The following TBXAS1 variants were observed in gnomAD, a reference collection of about 807,000 sequenced individuals.
TBXAS1 encodes the protein thromboxane A synthase 1.
Under a neutral mutation model 60.7 loss-of-function variants are expected in TBXAS1, and 48 were observed. That is an observed-to-expected ratio of 0.79 (90% CI 0.63 to 1.01). The LOEUF (loss-of-function observed/expected upper bound fraction) is 1.01. Ranked by LOEUF, TBXAS1 falls within the 50% of genes least tolerant of loss-of-function variation. The pLI is 0.00. For missense variants in TBXAS1, 685 were observed against 686.3 expected (o/e 1.00, Z 0.02); for synonymous variants, 287 against 269.7 (o/e 1.06, Z -0.63).
intron 9 of TBXAS1, among the ~76,000 whole-genome samples, chr7:140,003,325 T>TC (rs796155313): frequency 5.3e-5 from 8 of 152,040 alleles, no homozygotes; most frequent in African/African-American, 1.9e-4. Context: ...TGCCTCAGCC[T>TC]CCAGGGTGGC....
chr7:139,886,766 ACTT>A (rs1044720062), intron 3 of TBXAS1, among the ~76,000 whole-genome samples: 2 of 152,058 alleles, frequency 1.3e-5, no homozygotes, highest in African/African-American at 2.4e-5. Flanking sequence ...CTTCAAGTTC[ACTT>A]CTTCATCTCA....
At chr7:139,955,775 C>A (rs1809823492) in intron 7 of TBXAS1, among the ~76,000 whole-genome samples, 168 bp downstream of exon 7, 1 of 152,176 alleles carries the variant, frequency 6.6e-6, no homozygotes, top group Admixed American at 6.5e-5. Flanking sequence ...CCTCTTGTCA[C>A]CCGCCTAGGG....
chr7:139,873,062 T>C (rs1474534559), intron 2 of TBXAS1, among the ~76,000 whole-genome samples: 1 of 152,038 alleles, frequency 6.6e-6, no homozygotes, highest in Non-Finnish European at 1.5e-5. Flanking sequence ...GAGGAGAGGG[T>C]GATCTGTCAG....
At chr7:139,805,933 CT>C (rs35769530) in intron 4 of TBXAS1, among the ~76,000 whole-genome samples, 5,058 of 104,664 alleles carry the variant, frequency 0.048, 268 homozygotes, top group African/African-American at 0.21. Context: ...CAAATTTTTG[CT>C]TTTTTTTTTT....
intron 1 of TBXAS1, among the ~76,000 whole-genome samples, chr7:139,864,732 T>A (rs1248734107): frequency 6.6e-6 from 1 of 152,114 alleles, no homozygotes; most frequent in Non-Finnish European, 1.5e-5. Flanking sequence ...ATGATAGAAG[T>A]GACATTATGA....
Position 139,953,297 on chromosome 7 carries a change from C to T in TBXAS1, c.451-71C>T, listed in dbSNP as rs564400151. Reference sequence around the variant, plus strand: ...TCCCAGAAAGCACTACATATAACCTCTTCATCTGCAGCCAATTTAGGTGTA... The same window carrying T: ...TCCCAGAAAGCACTACATATAACCTTTTCATCTGCAGCCAATTTAGGTGTA... On this transcript the variant is annotated intron_variant, in intron 5 of 12. Coordinates refer to ENST00000448866, the MANE Select transcript of TBXAS1 (RefSeq NM_001061.7). 7.0e-6 allele frequency: 9 copies of T among 1,294,212 alleles called. No homozygotes were observed. The African/African-American group carries it at 1.2e-4, about 17-fold the overall frequency. 80.2% of individuals were successfully genotyped at this position (1,294,212 alleles called of 1,614,324 possible).
At chr7:139,984,658 AGGGG>A (rs1187423322) in intron 9 of TBXAS1, among the ~76,000 whole-genome samples, 6 of 71,550 alleles carry the variant, frequency 8.4e-5, no homozygotes, top group Non-Finnish European at 1.9e-4. Context: ...AAGAAAGGGA[AGGGG>A]GAAAGAAAGA....
At chr7:140,011,208 C>T (rs977170429) in intron 10 of TBXAS1, among the ~76,000 whole-genome samples, 1 of 151,504 alleles carries the variant, frequency 6.6e-6, no homozygotes, top group East Asian at 1.9e-4. Flanking sequence ...ATCTGGGAGG[C>T]GGAGGTTGCA....
intron 9 of TBXAS1, among the ~76,000 whole-genome samples, chr7:139,980,346 A>G (rs1811875588): frequency 6.6e-6 from 1 of 152,116 alleles, no homozygotes; most frequent in African/African-American, 2.4e-5. Context: ...GGTTTCCCTA[A>G]TGAGTTGAGA....
At chr7:139,898,715 C>T (rs1321046614) in intron 3 of TBXAS1, among the ~76,000 whole-genome samples, 1 of 152,140 alleles carries the variant, frequency 6.6e-6, no homozygotes, top group Non-Finnish European at 1.5e-5. Flanking sequence ...CTTCCTCGTC[C>T]CTGACAAAGT....
intron 4 of TBXAS1, among the ~76,000 whole-genome samples, chr7:139,788,637 A>G (rs1797276884): frequency 6.6e-6 from 1 of 152,178 alleles, no homozygotes; most frequent in East Asian, 1.9e-4. Flanking sequence ...CCAGACTGCT[A>G]TGTGGAGGTG....
intron 1 of TBXAS1, among the ~76,000 whole-genome samples, chr7:139,851,796 T>C (rs115478372): frequency 0.095 from 14,440 of 152,280 alleles, 833 homozygotes; most frequent in Admixed American, 0.16. Context: ...ACAGGTGATG[T>C]GGTAGACAGC....
intron 10 of TBXAS1, among the ~76,000 whole-genome samples, chr7:140,008,447 C>CT (rs35875761): frequency 0.43 from 53,881 of 125,986 alleles, 12,207 homozygotes; most frequent in East Asian, 0.77. Context: ...TTCTTTTATT[C>CT]TTTTTTTTTT....
chr7:139,944,763 G>T (rs113808936), intron 5 of TBXAS1, among the ~76,000 whole-genome samples: 2 of 152,104 alleles, frequency 1.3e-5, no homozygotes, highest in Non-Finnish European at 2.9e-5. Flanking sequence ...CACCATCAAC[G>T]TTTGGGGCTT....
At chr7:139,912,585 C>G (rs1311387339) in intron 4 of TBXAS1, among the ~76,000 whole-genome samples, 2 of 152,102 alleles carry the variant, frequency 1.3e-5, no homozygotes, top group Admixed American at 1.3e-4. Context: ...CAGTGTCCCT[C>G]GAGGAACTCT....
At chr7:139,783,265 T>C (rs1249996294) in intron 3 of TBXAS1, among the ~76,000 whole-genome samples, 1 of 150,092 alleles carries the variant, frequency 6.7e-6, no homozygotes, top group Non-Finnish European at 1.5e-5. Context: ...CTTTTGCTCC[T>C]AGAAGAAAAA....
intron 9 of TBXAS1, among the ~76,000 whole-genome samples, chr7:139,973,537 G>T (rs41716): frequency 0.95 from 143,718 of 151,434 alleles, 68,270 homozygotes; most frequent in African/African-American, 0.98. Flanking sequence ...CAGCATTATG[G>T]TTTGTTTGGT....
At chr7:139,793,708 C>T (rs956201810) in intron 4 of TBXAS1, among the ~76,000 whole-genome samples, 1 of 152,184 alleles carries the variant, frequency 6.6e-6, no homozygotes, top group Non-Finnish European at 1.5e-5. Flanking sequence ...GAAAAGGAAA[C>T]ATATTTCATA....
intron 4 of TBXAS1, among the ~76,000 whole-genome samples, chr7:139,924,266 C>T (rs1412492473): frequency 6.6e-6 from 1 of 152,146 alleles, no homozygotes; most frequent in Non-Finnish European, 1.5e-5. Context: ...TACATTTGCA[C>T]CAACAGTGTA....
Sources: gnomAD v4.1 joint callset for allele counts (sites outside exome capture counted in the v4.1 genomes callset) on GRCh38, gnomAD v4.1.1 for gene constraint, MANE v1.5 for transcripts, NCBI Gene and HGNC (gene_info 2026-07-23, HGNC 2026-07-21) for gene names.